PSME4: variants seen among roughly 807,000 people sequenced by gnomAD.
The protein encoded by PSME4 is proteasome activator complex subunit 4.
PSME4 carries 89 observed loss-of-function variants against 253.9 expected under a neutral mutation model. The observed-to-expected ratio is 0.35, with a 90% CI of 0.30 to 0.42. The LOEUF (loss-of-function observed/expected upper bound fraction) is 0.42, where lower values mean the gene tolerates loss of function less well. PSME4 is among the 10% of genes least tolerant of loss of function. The pLI, the probability that PSME4 is intolerant of heterozygous loss-of-function variation, is 1.00. For synonymous variants in PSME4, 851 were observed against 759.2 expected, an observed-to-expected ratio of 1.12 and a Z score of -1.99; for missense variants, 2,014 against 2,195.2, an observed-to-expected ratio of 0.92 and a Z score of 1.65.
Position 53,869,600 on chromosome 2 carries a change from AG to A in PSME4, c.5101-63del, listed in dbSNP as rs200037475. On this transcript the variant is annotated intron_variant, in intron 43 of 46. Transcript: ENST00000404125. Reference sequence around the variant, plus strand: ...TAAGTCTGAGGGAATAATGGAGGATAGGGGGTAGTGTGGGAACTGGGGTGAA... The same window carrying A: ...TAAGTCTGAGGGAATAATGGAGGATAGGGGTAGTGTGGGAACTGGGGTGAA... 3,160 of 1,346,484 alleles carry A rather than the reference AG, an allele frequency of 2.3e-3. 59 individuals carry two copies. The African/African-American group carries it at 0.037, about 16-fold the overall frequency. 83.4% of individuals were successfully genotyped at this position (1,346,484 alleles called of 1,614,324 possible).
intron 26 of PSME4, 80 bp from the exon 27 acceptor site, chr2:53,904,236 T>A: frequency 7.5e-7 from 1 of 1,335,970 alleles, no homozygotes; most frequent in Non-Finnish European, 1.0e-6. Context: ...TCAAAAACAG[T>A]AATGATAATT....
chr2:53,900,040 GA>G lies in PSME4; in HGVS notation c.3286-24del, dbSNP rs556256597. On this transcript the variant is annotated intron_variant, in intron 28 of 46. Coordinates refer to ENST00000404125, the MANE Select transcript of PSME4 (RefSeq NM_014614.3). ...AATCTTGTTAAAAAGAAAAAAGCAG[GA>G]AAAAAAATGAAGTTCTGATGCATAC... The G allele has an allele frequency of 8.2e-4, 1,316 of 1,597,830 alleles. 10 individuals are homozygous for G. The African/African-American group carries it at 0.016, about 20-fold the overall frequency.
intron 8 of PSME4, 131 bp from the exon 9 acceptor site, chr2:53,932,891 CT>C: frequency 1.6e-6 from 1 of 642,886 alleles, no homozygotes; most frequent in Non-Finnish European, 2.7e-6. Context: ...TAAATTCTAC[CT>C]TTAAATAAGA....
chr2:53,923,431 T>C lies in PSME4; in HGVS notation c.1810-12A>G. 1.3e-6 allele frequency: 2 copies of C among 1,575,876 alleles called. No homozygotes were observed. Among genetic ancestry groups the C allele is most frequent in the East Asian group, 2.3e-5 (1 of 44,362 alleles). ...TTCTGAAGGGCCACCTGTTAAGATA[T>C]GAAAATGTTTAATGAGCATTTTTTA... On this transcript the variant is annotated splice_polypyrimidine_tract_variant and intron_variant, in intron 14 of 46. Transcript: ENST00000404125.
At chr2:53,955,295 A>G (rs1178008253) in intron 1 of PSME4, among the ~76,000 whole-genome samples, 7 of 152,236 alleles carry the variant, frequency 4.6e-5, no homozygotes, top group Admixed American at 3.9e-4. Context: ...CTTTAGACTA[A>G]GCTTGTCCAA....
intron 2 of PSME4, 33 bp from the exon 3 acceptor site, chr2:53,948,570 T>C: frequency 7.1e-6 from 9 of 1,262,744 alleles, no homozygotes; most frequent in Non-Finnish European, 9.3e-6. Context: ...TACCTATGTA[T>C]GCATATGTGC....
Position 53,951,507 on chromosome 2 carries a change from T to C in PSME4, c.243-2224A>G, listed in dbSNP as rs548735937. Among the ~76,000 whole-genome samples the C allele has an allele frequency of 5.3e-5, 8 of 152,364 alleles. No individual in the cohort carries two copies. In the South Asian group the frequency reaches 1.7e-3, roughly 32 times the overall value. On this transcript the variant is annotated intron_variant, in intron 1 of 46. Coordinates refer to ENST00000404125, the MANE Select transcript of PSME4 (RefSeq NM_014614.3). ...CTGGTCTGAATTTATTCAGCTCTTT[T>C]CTGTCATTTCAAGGTATAATCCCAT... is the stretch of plus-strand genomic sequence containing the variant.
rs948433141 is a variant in PSME4, at chr2:53,887,598, T to A, written c.4521-131A>T. The A allele has an allele frequency of 2.8e-5, 26 of 931,734 alleles. No individual in the cohort carries two copies. The African/African-American group carries it at 3.2e-4, about 11-fold the overall frequency. 57.7% of individuals were successfully genotyped at this position (931,734 alleles called of 1,614,324 possible). A position where few individuals can be genotyped will look rare whatever the true frequency, so the allele number is the denominator to read the frequency against. Reference sequence around the variant, plus strand: ...TGGAGTGGGTCTTAGATTATGCCTGTGTGTAAAAGAAGCCTTATAATTAAG... The same window carrying A: ...TGGAGTGGGTCTTAGATTATGCCTGAGTGTAAAAGAAGCCTTATAATTAAG... On this transcript the variant is annotated intron_variant, in intron 39 of 46. Transcript: ENST00000404125.
At chr2:53,952,071 T>C (rs1364829582) in intron 1 of PSME4, among the ~76,000 whole-genome samples, 1 of 147,328 alleles carries the variant, frequency 6.8e-6, no homozygotes, top group Non-Finnish European at 1.5e-5. Context: ...TGGAACACAT[T>C]TTTAAGATAA....
At chr2:53,901,983 C>T (rs1680421156) in intron 27 of PSME4, among the ~76,000 whole-genome samples, 1 of 152,170 alleles carries the variant, frequency 6.6e-6, no homozygotes, top group Non-Finnish European at 1.5e-5. Flanking sequence ...GGGAGGATCA[C>T]TTAAGCCCAA....
intron 8 of PSME4, chr2:53,933,009 T>G (rs145106660): frequency 4.7e-6 from 2 of 423,334 alleles, no homozygotes; most frequent in Non-Finnish European, 8.6e-6. Flanking sequence ...AAAATACCTG[T>G]CAACTTAGGA....
chr2:53,890,989 T>C lies in PSME4; in HGVS notation c.4192-781A>G, dbSNP rs1679880341. 2.0e-5 allele frequency among the ~76,000 whole-genome samples: 3 copies of C among 152,170 alleles called. No homozygotes were observed. The South Asian group carries it at 6.2e-4, about 32-fold the overall frequency. ...TTGCAGTGAGCCGAGATCATCCCAC[T>C]GCATTCCAGCCTAAGCAACGGAGCA... On this transcript the variant is annotated intron_variant, in intron 36 of 46. Coordinates refer to ENST00000404125, the MANE Select transcript of PSME4 (RefSeq NM_014614.3).
At chr2:53,952,577 G>C (rs193275540) in intron 1 of PSME4, among the ~76,000 whole-genome samples, 2 of 152,052 alleles carry the variant, frequency 1.3e-5, no homozygotes, top group Non-Finnish European at 2.9e-5. Flanking sequence ...GATGCCCCTG[G>C]AGTCATGCAT....
Position 53,908,313 on chromosome 2 carries a change from TACTG to T in PSME4, c.2784+3_2784+6del. On this transcript the variant is annotated splice_donor_5th_base_variant and intron_variant, in intron 24 of 46. Transcript: ENST00000404125. ...ATTAGTGCAGACTTTTAGGTGAAAA[TACTG>T]ACCCGATTTTCCATTGATTTCTTTA... 6.2e-7 allele frequency: 1 copy of T among 1,600,330 alleles called. No homozygotes were observed. The highest frequency in any genetic ancestry group is 8.6e-7 in the Non-Finnish European group (1 of 1,169,492).
In PSME4 at chr2:53,906,603, T is replaced by G; in HGVS notation, c.2938A>C (p.Ser980Arg). The G allele has an allele frequency of 6.3e-7, 1 of 1,579,502 alleles. No homozygotes were observed. The highest frequency in any genetic ancestry group is 1.2e-5 in the South Asian group (1 of 85,184). ...DLLRLSTSSY[S>R]QVRNKAQQTF... ...AGCGTTTGGATAAGCCTTACCTGAC[T>G]GTATGAACTTGTAGATAAACGAAGA... Residue 980 changes from serine to arginine, a missense_variant, in exon 26 of 47, where the codon AGT becomes CGT. Ser to Arg is a moderately radical substitution (Grantham distance 110, BLOSUM62 -1). Around this residue, in one of 4 missense-constraint regions of PSME4, gnomAD observed 989 missense variants for 1,021.1 expected, o/e 0.97. Transcript: ENST00000404125.
intron 3 of PSME4, among the ~76,000 whole-genome samples, chr2:53,940,966 T>TAA (rs1558413918): frequency 1.5e-5 from 1 of 67,814 alleles, no homozygotes; most frequent in African/African-American, 5.1e-5. Flanking sequence ...TATATATATA[T>TAA]ATATATATAT....
intron 30 of PSME4, 49 bp downstream of exon 30, chr2:53,898,252 A>G: frequency 1.3e-6 from 2 of 1,516,122 alleles, no homozygotes; most frequent in South Asian, 2.4e-5. Context: ...AAACTCCTAT[A>G]GTATTTATGA....
chr2:53,944,029 A>G (rs1441805204), intron 3 of PSME4, among the ~76,000 whole-genome samples: 1 of 152,226 alleles, frequency 6.6e-6, no homozygotes, highest in Non-Finnish European at 1.5e-5. Flanking sequence ...TTTAAATGAC[A>G]ATAAGCCTGA....
At chr2:53,890,739 A>G (rs1323384668) in intron 36 of PSME4, among the ~76,000 whole-genome samples, 1 of 152,196 alleles carries the variant, frequency 6.6e-6, no homozygotes, top group Non-Finnish European at 1.5e-5. Flanking sequence ...TTTAAAAAGT[A>G]TCTCTTGGCT....
Sources: gnomAD v4.1 joint callset for allele counts (sites outside exome capture counted in the v4.1 genomes callset) on GRCh38, gnomAD v4.1.1 for gene constraint, gnomAD v4.1.1 regional missense constraint, MANE v1.5 for transcripts, NCBI Gene and HGNC (gene_info 2026-07-23, HGNC 2026-07-21) for gene names.